Variants in SLTM observed in about 807,000 individuals in gnomAD.
SLTM encodes the protein SAFB-like transcription modulator.
In SLTM, 43 loss-of-function variants were observed where a neutral mutation model predicts 134.6. That is an observed-to-expected ratio of 0.32 (90% CI 0.25 to 0.41). The LOEUF (loss-of-function observed/expected upper bound fraction) is 0.41, where lower values mean the gene tolerates loss of function less well. Ranked by LOEUF, SLTM falls within the 10% of genes least tolerant of loss-of-function variation. The pLI, the probability that SLTM is intolerant of heterozygous loss-of-function variation, is 1.00. For synonymous variants in SLTM, 424 were observed against 432.3 expected (o/e 0.98, Z 0.24); for missense variants, 1,055 against 1,288.8 (o/e 0.82, Z 2.78).
In SLTM at chr15:58,894,527, C is replaced by T; in HGVS notation, c.1283G>A (p.Gly428Asp). The T allele has an allele frequency of 6.2e-7, 1 of 1,614,048 alleles. No individual in the cohort carries two copies. The highest frequency in any genetic ancestry group is 8.5e-7 in the Non-Finnish European group (1 of 1,179,972). The change falls in exon 10 of 21, where the codon GGC becomes GAC. Residue 428 changes from glycine to aspartate, a missense_variant. This residue lies in a region of SLTM where 776 missense variants were observed against 962.2 expected (regional missense o/e 0.81). Coordinates refer to ENST00000380516, the MANE Select transcript of SLTM (RefSeq NM_024755.4). ...TGTGCTTGAAGACATAGTTACAATG[C>T]CATAGCATTTTGCCCCAGGACTTCG... ...NARSPGAKCY[G>D]IVTMSSSTEV...
At chr15:58,883,937 A>C (rs1038923109) in intron 19 of SLTM, 151 bp from the exon 20 acceptor site, 43 of 719,952 alleles carry the variant, frequency 6.0e-5, no homozygotes, top group Non-Finnish European at 9.2e-5. Flanking sequence ...GTTTCTACTA[A>C]AAATACAAAA....
intron 2 of SLTM, among the ~76,000 whole-genome samples, chr15:58,920,419 T>A (rs1003162892): frequency 2.5e-4 from 38 of 151,172 alleles, no homozygotes; most frequent in Admixed American, 1.3e-4. Context: ...AGGTTAGGAG[T>A]TTGAGACCAG....
At chr15:58,924,181 A>G (rs925434970) in intron 2 of SLTM, among the ~76,000 whole-genome samples, 3 of 152,222 alleles carry the variant, frequency 2.0e-5, no homozygotes, top group Admixed American at 6.5e-5. Flanking sequence ...CATAATCTGA[A>G]TAACAAAATA....
intron 2 of SLTM, among the ~76,000 whole-genome samples, chr15:58,918,194 T>TA (rs1329679154): frequency 6.6e-6 from 1 of 151,660 alleles, no homozygotes; most frequent in African/African-American, 2.4e-5. Context: ...AGAAATGCCA[T>TA]AAAAAAAAGA....
chr15:58,898,981 ATTAGG>A, intron 7 of SLTM, 129 bp from the exon 8 acceptor site: 1 of 631,400 alleles, frequency 1.6e-6, no homozygotes, highest in African/African-American at 1.9e-5. Flanking sequence ...AAAGGCCTAG[ATTAGG>A]TTATTTGAAC....
chr15:58,899,331 T>C lies in SLTM; in HGVS notation c.1058+138A>G, dbSNP rs1333014868. ...CTTGAAAATTTTTAAAAGTAACTTA[T>C]GACGGTCAAAAATATTATAGGCAGG... On this transcript the variant is annotated intron_variant, in intron 7 of 20. Coordinates refer to ENST00000380516, the MANE Select transcript of SLTM (RefSeq NM_024755.4). The surrounding 1 kb of genome is among the most constrained non-coding windows in gnomAD (Gnocchi z 5.0). The C allele has an allele frequency of 4.3e-6, 3 of 705,596 alleles. No individual in the cohort carries two copies. The highest frequency in any genetic ancestry group is 2.0e-5 in the South Asian group (1 of 51,054). The allele number at this position is 705,596 out of a possible 1,614,324, so 43.7% of individuals were successfully genotyped here.
At chr15:58,894,783 C>A (rs2141000784) in intron 9 of SLTM, among the ~76,000 whole-genome samples, 1 of 149,188 alleles carries the variant, frequency 6.7e-6, no homozygotes, top group African/African-American at 2.5e-5. Context: ...CAGCTCACTG[C>A]AACCTCTGCC....
intron 7 of SLTM, 133 bp from the exon 8 acceptor site, chr15:58,898,985 G>T: frequency 1.6e-6 from 1 of 610,946 alleles, no homozygotes; most frequent in Non-Finnish European, 2.8e-6. Flanking sequence ...GCCTAGATTA[G>T]GTTATTTGAA....
chr15:58,917,680 C>T (rs1271315925), intron 2 of SLTM, among the ~76,000 whole-genome samples: 1 of 152,196 alleles, frequency 6.6e-6, no homozygotes, highest in Admixed American at 6.5e-5. Flanking sequence ...AGCTTTCCGA[C>T]AAACTACAGA....
rs188367998 is a variant in SLTM, at chr15:58,882,698, A to C, written c.2996+928T>G. On this transcript the variant is annotated intron_variant, in intron 20 of 20. Coordinates refer to ENST00000380516, the MANE Select transcript of SLTM (RefSeq NM_024755.4). ...ACACTTACTGAAGTTTGATGGTAGA[A>C]GTGACCATGGAATAGTAGTGACCTG... Among the ~76,000 whole-genome samples, 8 of 152,342 alleles carry C rather than the reference A, an allele frequency of 5.3e-5. No homozygotes were observed. In the East Asian group the frequency reaches 1.5e-3, roughly 29 times the overall value.
In SLTM at chr15:58,887,068, T is replaced by G; in HGVS notation, c.2742A>C (p.Arg914Ser). The G allele has an allele frequency of 1.2e-6, 2 of 1,613,974 alleles. No individual in the cohort carries two copies. Among genetic ancestry groups the G allele is most frequent in the Non-Finnish European group, 1.7e-6 (2 of 1,180,024 alleles). Residue 914 changes from arginine (R) to serine (S), a missense_variant, in exon 19 of 21, where the codon AGA (arginine) becomes AGC (serine). Coordinates refer to ENST00000380516, the MANE Select transcript of SLTM (RefSeq NM_024755.4). Reference protein sequence around the residue: ...SGREVSGHSVRGAPPGNRSSA... With the variant: ...SGREVSGHSVSGAPPGNRSSA... ...TGCTACGATTCCCAGGGGGAGCGCC[T>G]CTCACACTGTGCCCTGATACTTCTC...
intron 16 of SLTM, 133 bp from the exon 17 acceptor site, chr15:58,888,688 C>T: frequency 1.4e-6 from 1 of 717,218 alleles, no homozygotes; most frequent in Non-Finnish European, 2.2e-6. Flanking sequence ...CATAACACAT[C>T]AGGAGTACAA....
In SLTM at chr15:58,913,624, C is replaced by G. The variant is rs768461413; in HGVS notation, c.388G>C (p.Gly130Arg). 1.2e-6 allele frequency: 2 copies of G among 1,613,514 alleles called. No homozygotes were observed. Among genetic ancestry groups the G allele is most frequent in the Non-Finnish European group, 1.7e-6 (2 of 1,179,830 alleles). The part of the protein sequence containing the change: ...NDELKDSEEF[G>R]ENEEENVHSK... ...TGCACATTTTCTTCTTCATTTTCAC[C>G]AAATTCTTCAGAGTCCTTTAGTTCA... The change falls in exon 4 of 21, where the codon GGT becomes CGT. Residue 130 changes from glycine to arginine, a missense_variant. Physicochemically the swap from Gly to Arg is moderately radical, Grantham distance 125. Coordinates refer to ENST00000380516, the MANE Select transcript of SLTM (RefSeq NM_024755.4).
rs1381913197 is a variant in SLTM at position 58,912,599 on chromosome 15, A to G, written c.525T>C (p.Ala175=). The part of the protein sequence containing the change: ...KEDIESQEIE[A]QEGEDDTFLT... ...GAAAGGTATCATCTTCACCTTCTTG[A>G]GCTTCAATTTCCTAAGTAAAAGGGT... Residue 175 remains alanine, a synonymous_variant, in exon 5 of 21, where the codon GCT becomes GCC. Transcript: ENST00000380516. 6.2e-7 allele frequency: 1 copy of G among 1,608,182 alleles called. No individual in the cohort carries two copies. Among genetic ancestry groups the G allele is most frequent in the Admixed American group, 1.7e-5 (1 of 59,512 alleles).
chr15:58,899,415 T>A lies in SLTM; in HGVS notation c.1058+54A>T, dbSNP rs752293600. The stretch of plus-strand genomic sequence containing the variant: ...AAGCCACCCCCTTAATGTAGAGTGA[T>A]CTTATTGAATGCTGGAATTCAGTAT... On this transcript the variant is annotated intron_variant, in intron 7 of 20. Transcript: ENST00000380516. This position sits in a 1 kb window ranked among gnomAD's most constrained non-coding sequence, Gnocchi z 5.0. 7.1e-7 allele frequency: 1 copy of A among 1,416,934 alleles called. No individual in the cohort carries two copies. 87.8% of individuals were successfully genotyped at this position (1,416,934 alleles called of 1,614,324 possible).
At chr15:58,893,187 T>A (rs1384838354) in intron 13 of SLTM, 92 bp downstream of exon 13, 1 of 1,409,052 alleles carries the variant, frequency 7.1e-7, no homozygotes, top group Non-Finnish European at 9.8e-7. Flanking sequence ...TTTGCTAGCA[T>A]GCAAGTACGC....
intron 5 of SLTM, among the ~76,000 whole-genome samples, chr15:58,910,212 A>T (rs561689787): frequency 6.6e-6 from 1 of 152,204 alleles, no homozygotes; most frequent in Non-Finnish European, 1.5e-5. Context: ...AAGTAAACAG[A>T]GGCATAGGGG....
intron 2 of SLTM, among the ~76,000 whole-genome samples, chr15:58,928,948 C>A (rs539834868): frequency 1.3e-5 from 2 of 152,224 alleles, no homozygotes; most frequent in East Asian, 3.9e-4. Flanking sequence ...TTTAGTTAAA[C>A]AGAAAGCATT....
chr15:58,912,882 C>A (rs1257151952), intron 4 of SLTM: 1 of 367,536 alleles, frequency 2.7e-6, no homozygotes, highest in African/African-American at 2.0e-5. Context: ...ACTAACAGCA[C>A]TGACTCCTTA....
Sources: allele counts gnomAD v4.1 joint callset (sites outside exome capture counted in the v4.1 genomes callset), GRCh38; gene constraint gnomAD v4.1.1; regional missense constraint gnomAD v4.1.1; non-coding constraint Gnocchi (gnomAD v3.1); transcripts MANE v1.5; gene names NCBI Gene and HGNC (gene_info 2026-07-23, HGNC 2026-07-21).